SGCZ: variants seen among roughly 807,000 people sequenced by gnomAD.
SGCZ encodes the protein sarcoglycan zeta.
A neutral mutation model predicts 41.3 loss-of-function variants in SGCZ; 40 were observed. The observed-to-expected ratio is 0.97, with a 90% CI of 0.75 to 1.26. The LOEUF (loss-of-function observed/expected upper bound fraction) is 1.26. Ranked by LOEUF, SGCZ falls within the 50% of genes most tolerant of loss-of-function variation. SGCZ has a pLI of 0.00. For synonymous variants in SGCZ, 206 were observed against 137.5 expected, an observed-to-expected ratio of 1.50 and a Z score of -3.49; for missense variants, 552 against 369.8, an observed-to-expected ratio of 1.49 and a Z score of -4.04.
intron 1 of SGCZ, among the ~76,000 whole-genome samples, chr8:15,220,053 A>G (rs1801540455): frequency 6.6e-6 from 1 of 152,218 alleles, no homozygotes; most frequent in Non-Finnish European, 1.5e-5. Flanking sequence ...TAATATACAT[A>G]TAACTAACAG....
intron 2 of SGCZ, among the ~76,000 whole-genome samples, chr8:14,356,709 A>C (rs977942026): frequency 6.6e-6 from 1 of 152,074 alleles, no homozygotes; most frequent in Non-Finnish European, 1.5e-5. Context: ...GAAAAAATTA[A>C]ACCTATTTGA....
At position 14,535,391 on chromosome 8, in the gene SGCZ, T is replaced by C. The variant is rs77382211; in HGVS notation, c.234+19341A>G. Among the ~76,000 whole-genome samples, 960 of 151,930 alleles carry C rather than the reference T, an allele frequency of 6.3e-3. 6 individuals are homozygous for C. The highest frequency in any genetic ancestry group is 0.011 in the Non-Finnish European group (725 of 67,846). ...GCATCTAAGAATAACATTAGTAAAGTAAATGCAATGGGCCATAATAAGAAA... is the reference window on the plus strand; with the variant it reads ...GCATCTAAGAATAACATTAGTAAAGCAAATGCAATGGGCCATAATAAGAAA... On this transcript the variant is annotated intron_variant, in intron 2 of 7. Coordinates refer to ENST00000382080, the MANE Select transcript of SGCZ (RefSeq NM_139167.4).
intron 1 of SGCZ, among the ~76,000 whole-genome samples, chr8:15,177,884 C>G (rs943738682): frequency 6.6e-6 from 1 of 152,154 alleles, no homozygotes; most frequent in African/African-American, 2.4e-5. Context: ...ACTCCCTACT[C>G]CAGCCTAAAG....
At chr8:14,595,718 C>A (rs1805390441) in intron 1 of SGCZ, among the ~76,000 whole-genome samples, 1 of 152,092 alleles carries the variant, frequency 6.6e-6, no homozygotes, top group South Asian at 2.1e-4. Flanking sequence ...GGTAGAATGC[C>A]TTCAGGGAAA....
chr8:15,163,110 T>C (rs1460025737), intron 1 of SGCZ, among the ~76,000 whole-genome samples: 1 of 152,220 alleles, frequency 6.6e-6, no homozygotes, highest in African/African-American at 2.4e-5. Context: ...TACACATGTG[T>C]TTGCATGGGA....
intron 2 of SGCZ, among the ~76,000 whole-genome samples, chr8:14,496,722 T>A (rs1801998457): frequency 6.6e-6 from 1 of 152,138 alleles, no homozygotes; most frequent in Non-Finnish European, 1.5e-5. Context: ...CTTTTATTCC[T>A]TTTCCCTAGC....
At chr8:14,916,299 A>T (rs1585376172) in intron 1 of SGCZ, among the ~76,000 whole-genome samples, 1 of 152,226 alleles carries the variant, frequency 6.6e-6, no homozygotes, top group Non-Finnish European at 1.5e-5. Flanking sequence ...AAGATTATAT[A>T]CATATAGCAC....
At chr8:15,043,723 T>C (rs550343033) in intron 1 of SGCZ, among the ~76,000 whole-genome samples, 1 of 152,090 alleles carries the variant, frequency 6.6e-6, no homozygotes, top group African/African-American at 2.4e-5. Context: ...TGGAATTCTT[T>C]AGAATAATCA....
intron 2 of SGCZ, among the ~76,000 whole-genome samples, chr8:14,543,519 G>A (rs1460092267): frequency 6.6e-6 from 1 of 152,000 alleles, no homozygotes; most frequent in Non-Finnish European, 1.5e-5. Flanking sequence ...AGTCACAAGG[G>A]CACAAAAAGT....
intron 7 of SGCZ, among the ~76,000 whole-genome samples, chr8:14,091,151 G>T (rs915484196): frequency 6.6e-6 from 1 of 151,440 alleles, no homozygotes; most frequent in Non-Finnish European, 1.5e-5. Flanking sequence ...CCATGTCCCT[G>T]CAAAGGACAT....
intron 5 of SGCZ, among the ~76,000 whole-genome samples, chr8:14,124,376 T>C (rs775697188): frequency 3.9e-5 from 6 of 152,264 alleles, no homozygotes; most frequent in Admixed American, 6.5e-5. Flanking sequence ...ATCCAACTTA[T>C]GTGAAACACA....
chr8:14,315,202 G>C (rs1458405414), intron 3 of SGCZ, among the ~76,000 whole-genome samples: 2 of 152,024 alleles, frequency 1.3e-5, no homozygotes, highest in African/African-American at 4.8e-5. Flanking sequence ...CTGCAAAATG[G>C]GAATAAAATG....
intron 1 of SGCZ, among the ~76,000 whole-genome samples, chr8:14,796,358 A>T (rs968443831): frequency 1.6e-4 from 25 of 152,078 alleles, no homozygotes; most frequent in African/African-American, 5.6e-4. Flanking sequence ...GCCTCAAGTG[A>T]TCATTCCACC....
chr8:14,203,399 A>G (rs944212653), intron 4 of SGCZ, among the ~76,000 whole-genome samples: 11 of 152,214 alleles, frequency 7.2e-5, no homozygotes, highest in African/African-American at 2.7e-4. Context: ...TGGCTAACAT[A>G]GAATGTTTTT....
chr8:14,563,620 G>A (rs1279996329), intron 1 of SGCZ, among the ~76,000 whole-genome samples: 1 of 152,120 alleles, frequency 6.6e-6, no homozygotes, highest in East Asian at 1.9e-4. Flanking sequence ...TGTAAGTGTA[G>A]GGATCTGAAA....
intron 7 of SGCZ, among the ~76,000 whole-genome samples, chr8:14,098,171 A>C (rs142682585): frequency 1.8e-3 from 275 of 152,308 alleles, no homozygotes; most frequent in African/African-American, 6.3e-3. Context: ...ATTTATCAAC[A>C]GTATTCAAAG....
chr8:14,595,904 A>C (rs879506322), intron 1 of SGCZ, among the ~76,000 whole-genome samples: 2 of 152,206 alleles, frequency 1.3e-5, no homozygotes, highest in Non-Finnish European at 2.9e-5. Context: ...TGAAGAAAAA[A>C]AAATGTTAGG....
At position 14,164,440 on chromosome 8, in the gene SGCZ, G is replaced by C. The variant is rs566407376; in HGVS notation, c.547+140C>G. ...CACAACCAGTGCCTTCCATTTGAAGGCTACTTGAAGAACAAACGTTGTGAT... is the reference window on the plus strand; with the variant it reads ...CACAACCAGTGCCTTCCATTTGAAGCCTACTTGAAGAACAAACGTTGTGAT... On this transcript the variant is annotated intron_variant, in intron 5 of 7. Transcript: ENST00000382080. 19 of 971,742 alleles carry C rather than the reference G, an allele frequency of 2.0e-5. No individual in the cohort carries two copies. The African/African-American group carries it at 2.7e-4, about 14-fold the overall frequency. 60.2% of individuals were successfully genotyped at this position (971,742 alleles called of 1,614,324 possible).
At chr8:14,864,913 T>C (rs114662882) in intron 1 of SGCZ, among the ~76,000 whole-genome samples, 6,305 of 152,160 alleles carry the variant, frequency 0.041, 168 homozygotes, top group African/African-American at 0.083. Flanking sequence ...TTCATTTCCT[T>C]GATGGTTGGT....
Sources: gnomAD v4.1 joint callset for allele counts (sites outside exome capture counted in the v4.1 genomes callset) on GRCh38, gnomAD v4.1.1 for gene constraint, MANE v1.5 for transcripts, NCBI Gene and HGNC (gene_info 2026-07-23, HGNC 2026-07-21) for gene names.